The following SEL1L3 variants were observed in gnomAD, a reference collection of about 807,000 sequenced individuals.
The protein encoded by SEL1L3 is protein sel-1 homolog 3.
SEL1L3 carries 76 observed loss-of-function variants against 142.8 expected under a neutral mutation model. That is an observed-to-expected ratio of 0.53 (90% CI 0.44 to 0.64). The LOEUF (loss-of-function observed/expected upper bound fraction) is 0.64. Ranked by LOEUF, SEL1L3 falls within the 30% of genes least tolerant of loss-of-function variation. SEL1L3 has a pLI of 0.00. For missense variants in SEL1L3, 1,262 were observed against 1,381.7 expected (o/e 0.91, Z 1.37); for synonymous variants, 504 against 519.6 (o/e 0.97, Z 0.41).
intron 2 of SEL1L3, 112 bp from the exon 3 acceptor site, chr4:25,835,435 T>C: frequency 1.7e-6 from 2 of 1,163,236 alleles, no homozygotes; most frequent in Non-Finnish European, 2.5e-6. Context: ...TTAAGTGAGA[T>C]ACCCTAAAAA....
chr4:25,858,556 GTTT>G (rs1019021949), intron 1 of SEL1L3, among the ~76,000 whole-genome samples: 23 of 151,436 alleles, frequency 1.5e-4, no homozygotes, highest in Non-Finnish European at 3.4e-4. Flanking sequence ...TTGTTGTTTT[GTTT>G]TTGTTTTTTT....
the SEL1L3 span, among the ~76,000 whole-genome samples, chr4:25,723,095 T>A: frequency 6.6e-6 from 1 of 152,116 alleles, no homozygotes; most frequent in South Asian, 2.1e-4. Context: ...TAATAATGAG[T>A]GACAGCAAGA....
rs369281914 is a variant in SEL1L3 at position 25,840,708 on chromosome 4, T to C, written c.734-5385A>G. Among the ~76,000 whole-genome samples the C allele has an allele frequency of 5.9e-5, 9 of 152,338 alleles. No individual in the cohort carries two copies. In the East Asian group the frequency reaches 1.7e-3, roughly 29 times the overall value. On this transcript the variant is annotated intron_variant, in intron 2 of 23. Transcript: ENST00000399878. Reference sequence around the variant, plus strand: ...ATTGCCCATGTCACACCTGAGATTATACCTTGGAAAATAAACCACAGCAAG... The same window carrying C: ...ATTGCCCATGTCACACCTGAGATTACACCTTGGAAAATAAACCACAGCAAG...
At chr4:25,828,685 C>T (rs896164617) in intron 6 of SEL1L3, among the ~76,000 whole-genome samples, 6 of 151,910 alleles carry the variant, frequency 3.9e-5, no homozygotes, top group African/African-American at 1.5e-4. Context: ...TGTAAAATGC[C>T]GGGCCAAGAG....
At chr4:25,833,416 A>C in intron 4 of SEL1L3, 32 bp downstream of exon 4, 1 of 1,591,132 alleles carries the variant, frequency 6.3e-7, no homozygotes, top group Non-Finnish European at 8.6e-7. Flanking sequence ...CAAAATTACA[A>C]TATCATTTTA....
intron 4 of SEL1L3, 76 bp downstream of exon 4, chr4:25,833,372 T>C: frequency 7.2e-7 from 1 of 1,380,234 alleles, no homozygotes; most frequent in Non-Finnish European, 1.0e-6. Context: ...TTCCTTATTC[T>C]AGACAGACAT....
At chr4:25,839,063 G>A (rs530903069) in intron 2 of SEL1L3, among the ~76,000 whole-genome samples, 8 of 152,170 alleles carry the variant, frequency 5.3e-5, no homozygotes, top group South Asian at 4.1e-4. Flanking sequence ...CAAAATCTGC[G>A]GGGAAAGAAG....
intron 11 of SEL1L3, among the ~76,000 whole-genome samples, chr4:25,799,843 T>C (rs1460996039): frequency 1.3e-5 from 2 of 152,192 alleles, no homozygotes; most frequent in South Asian, 2.1e-4. Flanking sequence ...CTGAGTATTA[T>C]CATATGCGGA....
At chr4:25,831,051 T>C (rs1017165950) in intron 5 of SEL1L3, among the ~76,000 whole-genome samples, 6 of 152,134 alleles carry the variant, frequency 3.9e-5, no homozygotes, top group African/African-American at 9.7e-5. Context: ...TGGGCTAAAG[T>C]CTACACACAC....
intron 9 of SEL1L3, 76 bp downstream of exon 9, chr4:25,818,060 CAA>C (rs1714505965): frequency 6.8e-7 from 1 of 1,462,886 alleles, no homozygotes; most frequent in East Asian, 2.4e-5. Flanking sequence ...CATAAATCAC[CAA>C]AGAGGGTGAG....
rs77570981 is a variant in SEL1L3, at chr4:25,760,646, G to A, written c.2956-1578C>T. On this transcript the variant is annotated intron_variant, in intron 20 of 23. Transcript: ENST00000399878. ...TTGATTTGTGCTTCCCTTATGACAC[G>A]ATCACATCTAATGGCTTATATCTTC... is the stretch of plus-strand genomic sequence containing the variant. 1.6e-4 allele frequency among the ~76,000 whole-genome samples: 25 copies of A among 152,126 alleles called. No homozygotes were observed. The East Asian group carries it at 1.9e-3, about 12-fold the overall frequency.
At chr4:25,779,883 T>C (rs1719881577) in intron 15 of SEL1L3, among the ~76,000 whole-genome samples, 1 of 152,216 alleles carries the variant, frequency 6.6e-6, no homozygotes, top group Non-Finnish European at 1.5e-5. Flanking sequence ...CTGTGTGGAC[T>C]TGGGCATGTT....
At chr4:25,723,265 C>A in the SEL1L3 span, among the ~76,000 whole-genome samples, 1 of 152,238 alleles carries the variant, frequency 6.6e-6, no homozygotes, top group Admixed American at 6.5e-5. Flanking sequence ...TGGCTTGATG[C>A]CTTTTGAAAA....
chr4:25,763,617 G>T (rs964330955), intron 20 of SEL1L3, among the ~76,000 whole-genome samples: 2 of 152,158 alleles, frequency 1.3e-5, no homozygotes, highest in Admixed American at 6.5e-5. Flanking sequence ...GGAGGCCAAG[G>T]TGGGCAGATC....
Position 25,767,846 on chromosome 4 carries a change from T to A in SEL1L3, c.2670-16A>T. 2 of 1,452,632 alleles carry A rather than the reference T, an allele frequency of 1.4e-6. No homozygotes were observed. The highest frequency in any genetic ancestry group is 1.9e-6 in the Non-Finnish European group (2 of 1,056,968). 90.0% of individuals were successfully genotyped at this position (1,452,632 alleles called of 1,614,324 possible). On this transcript the variant is annotated splice_polypyrimidine_tract_variant and intron_variant, in intron 17 of 23. Transcript: ENST00000399878. ...AGCTTCATGCCTAAAAATAGATGAT[T>A]AATAATAAATTTCATATAGTGGCTC...
At chr4:25,720,973 TA>T in the SEL1L3 span, 1 of 152,160 alleles carries the variant, frequency 6.6e-6, no homozygotes, top group Non-Finnish European at 1.5e-5. Context: ...GGACCGGGGC[TA>T]GACTAGAGTG....
chr4:25,821,969 G>A (rs372002994), intron 7 of SEL1L3, 27 bp downstream of exon 7: 18 of 1,607,122 alleles, frequency 1.1e-5, no homozygotes, highest in Admixed American at 5.1e-5. Context: ...CAGGAGTACC[G>A]CAATCTTCCT....
At chr4:25,775,127 T>C (rs1020779072) in intron 17 of SEL1L3, among the ~76,000 whole-genome samples, 10 of 152,308 alleles carry the variant, frequency 6.6e-5, no homozygotes, top group Middle Eastern at 3.4e-3. Flanking sequence ...TGAAGTTCAC[T>C]TGAGAAACAA....
the SEL1L3 span, among the ~76,000 whole-genome samples, chr4:25,734,983 ATT>A: frequency 6.6e-6 from 1 of 151,126 alleles, no homozygotes; most frequent in Non-Finnish European, 1.5e-5. Flanking sequence ...GTTCAGAAGT[ATT>A]TTTTTTCTTT....
Sources: allele counts gnomAD v4.1 joint callset (sites outside exome capture counted in the v4.1 genomes callset), GRCh38; gene constraint gnomAD v4.1.1; transcripts MANE v1.5; gene names NCBI Gene and HGNC (gene_info 2026-07-23, HGNC 2026-07-21).